EFHD1: variants seen among roughly 807,000 people sequenced by gnomAD.
EFHD1 encodes EF-hand domain family member D1, also known as EF-hand domain-containing protein D1.
A neutral mutation model predicts 17.2 loss-of-function variants in EFHD1; 10 were observed. The observed-to-expected ratio is 0.58, with a 90% CI of 0.36 to 0.99. The LOEUF (loss-of-function observed/expected upper bound fraction) is 0.99. EFHD1 is among the 50% of genes least tolerant of loss of function. The pLI is 0.01. For synonymous variants in EFHD1, 153 were observed against 142.0 expected (o/e 1.08, Z -0.55); for missense variants, 310 against 327.5 (o/e 0.95, Z 0.41).
chr2:232,660,208 T>TA (rs1559352058), intron 1 of EFHD1, among the ~76,000 whole-genome samples: 6 of 152,096 alleles, frequency 3.9e-5, no homozygotes, highest in South Asian at 4.1e-4. Context: ...ATTTATTTTT[T>TA]TTTTGAGGCG....
intron 1 of EFHD1, among the ~76,000 whole-genome samples, chr2:232,652,103 A>G (rs1694666261): frequency 6.6e-6 from 1 of 152,184 alleles, no homozygotes; most frequent in Admixed American, 6.5e-5. Context: ...GAAGGATTAC[A>G]TCAGATGACA....
In EFHD1 at chr2:232,669,664, G is replaced by A. The variant is rs1454632571; in HGVS notation, c.451-2645G>A. 6.1e-5 allele frequency among the ~76,000 whole-genome samples: 9 copies of A among 147,986 alleles called. No homozygotes were observed. In the South Asian group the frequency reaches 1.3e-3, roughly 21 times the overall value. On this transcript the variant is annotated intron_variant, in intron 2 of 3. Transcript: ENST00000264059. ...AGCCCAGGCTGGAGTGCAATGGTAC[G>A]ACCTCGGCTCACTGCAACCTCCACC...
rs184790002 is a variant in EFHD1 at position 232,614,837 on chromosome 2, A to T, written c.14+8664A>T. 2.4e-3 allele frequency among the ~76,000 whole-genome samples: 372 copies of T among 152,176 alleles called. 2 individuals carry two copies. The highest frequency in any genetic ancestry group is 8.1e-3 in the African/African-American group (337 of 41,522). ...CAAAAAATACAAAAATTAGCCAGGT[A>T]TGGTGGTGCACACCTGTAGTCCCAG... On this transcript the variant is annotated intron_variant, in intron 1 of 3. Coordinates refer to the EFHD1 transcript ENST00000409613.
chr2:232,662,535 T>C (rs1305984959), intron 1 of EFHD1, among the ~76,000 whole-genome samples: 4 of 152,098 alleles, frequency 2.6e-5, no homozygotes, highest in African/African-American at 9.7e-5. Context: ...AAACAAAGCA[T>C]GTTTCTCACC....
chr2:232,677,049 A>G (rs1001248011), intron 3 of EFHD1, among the ~76,000 whole-genome samples: 27 of 152,248 alleles, frequency 1.8e-4, no homozygotes, highest in Middle Eastern at 6.8e-3. Flanking sequence ...GAGAGTTTTT[A>G]GTCCCTGCCT....
At chr2:232,615,312 AGTGTGT>A (rs35239145) in intron 1 of EFHD1, among the ~76,000 whole-genome samples, 206 of 136,582 alleles carry the variant, frequency 1.5e-3, no homozygotes, top group African/African-American at 4.5e-3. Context: ...TGTCAACTAT[AGTGTGT>A]GTGTGTGTGT....
At chr2:232,625,239 C>G (rs1258281866) in intron 1 of EFHD1, among the ~76,000 whole-genome samples, 2 of 152,144 alleles carry the variant, frequency 1.3e-5, no homozygotes, top group Non-Finnish European at 2.9e-5. Context: ...AGCAATCCTC[C>G]CACCTCAGCC....
intron 3 of EFHD1, among the ~76,000 whole-genome samples, chr2:232,672,835 GAC>G (rs1226838665): frequency 2.6e-5 from 4 of 152,158 alleles, no homozygotes; most frequent in African/African-American, 9.7e-5. Flanking sequence ...CTTGCCCAGA[GAC>G]AGAGTGCCTT....
At chr2:232,622,324 C>T (rs1042026322) in intron 1 of EFHD1, among the ~76,000 whole-genome samples, 5 of 152,166 alleles carry the variant, frequency 3.3e-5, no homozygotes, top group Non-Finnish European at 7.3e-5. Flanking sequence ...AAAAAATTAG[C>T]CAGGCATGGT....
intron 1 of EFHD1, among the ~76,000 whole-genome samples, chr2:232,613,917 C>T (rs536773292): frequency 7.9e-5 from 12 of 151,618 alleles, no homozygotes; most frequent in Admixed American, 7.9e-4. Flanking sequence ...TATACACACA[C>T]AAATATATAC....
Position 232,627,056 on chromosome 2 carries a change from ATATATATATTT to A in EFHD1, c.14+20885_14+20895del, listed in dbSNP as rs1286435843. Among the ~76,000 whole-genome samples the A allele has an allele frequency of 3.4e-5, 4 of 119,330 alleles. No individual in the cohort carries two copies. In the East Asian group the frequency reaches 7.8e-4, roughly 23 times the overall value. The allele number at this position is 119,330 out of a possible 152,430, so 78.3% of individuals were successfully genotyped here. On this transcript the variant is annotated intron_variant, in intron 1 of 3. Coordinates refer to the EFHD1 transcript ENST00000409613. ...TCTCTCTATATATATATATATATATATATATATATTTTTTTTTTTTTTTAATTAGCCAGTTG... is the reference window on the plus strand; with the variant it reads ...TCTCTCTATATATATATATATATATATTTTTTTTTTTTAATTAGCCAGTTG...
At chr2:232,661,186 A>T (rs1694861855) in intron 1 of EFHD1, among the ~76,000 whole-genome samples, 1 of 152,044 alleles carries the variant, frequency 6.6e-6, no homozygotes, top group Admixed American at 6.6e-5. Flanking sequence ...ACCTCTGACC[A>T]CTTTAACCAA....
upstream of EFHD1, among the ~76,000 whole-genome samples, chr2:232,632,143 CCAG>C (rs1694214241): frequency 6.6e-6 from 1 of 152,120 alleles, no homozygotes; most frequent in South Asian, 2.1e-4. Flanking sequence ...GTCACCACCA[CCAG>C]GTCAGGAAGT....
chr2:232,658,408 G>A lies in EFHD1; in HGVS notation c.303-4394G>A, dbSNP rs542784240. Reference sequence around the variant, plus strand: ...CATAAGAGCCTGCCTGCTAGAGGGCGTTGCTCACCCTGAGTGGTAACATCA... The same window carrying A: ...CATAAGAGCCTGCCTGCTAGAGGGCATTGCTCACCCTGAGTGGTAACATCA... On this transcript the variant is annotated intron_variant, in intron 1 of 3. Coordinates refer to ENST00000264059, the MANE Select transcript of EFHD1 (RefSeq NM_025202.4). 1.1e-4 allele frequency among the ~76,000 whole-genome samples: 17 copies of A among 152,158 alleles called. No individual in the cohort carries two copies. In the South Asian group the frequency reaches 2.5e-3, roughly 22 times the overall value.
intron 1 of EFHD1, among the ~76,000 whole-genome samples, chr2:232,622,384 G>T (rs1381652327): frequency 6.6e-6 from 1 of 151,520 alleles, no homozygotes; most frequent in East Asian, 1.9e-4. Context: ...CAGGAGAATT[G>T]CTTGAACCTG....
intron 1 of EFHD1, among the ~76,000 whole-genome samples, chr2:232,654,768 A>G (rs1478093202): frequency 6.6e-6 from 1 of 151,872 alleles, no homozygotes; most frequent in African/African-American, 2.4e-5. Context: ...TGTTGGGGAG[A>G]GCCTCTTGTC....
rs181631925 is a variant in EFHD1, at chr2:232,609,879, G to A, written c.14+3706G>A. Among the ~76,000 whole-genome samples the A allele has an allele frequency of 1.1e-3, 160 of 152,334 alleles. 3 individuals carry two copies. The highest frequency in any genetic ancestry group is 3.7e-3 in the African/African-American group (153 of 41,576). ...GGGGAGTGGTGGCTGAAGCTCCTCCGGGTCTCCTTTCTCAGAGGAGAGAGT... is the reference window on the plus strand; with the variant it reads ...GGGGAGTGGTGGCTGAAGCTCCTCCAGGTCTCCTTTCTCAGAGGAGAGAGT... On this transcript the variant is annotated intron_variant, in intron 1 of 3. Transcript: ENST00000409613.
chr2:232,607,035 C>T (rs1361216034), intron 1 of EFHD1, among the ~76,000 whole-genome samples: 5 of 151,148 alleles, frequency 3.3e-5, no homozygotes, highest in Admixed American at 6.6e-5. Flanking sequence ...CTGGCTCTGT[C>T]GCCCAGGCTG....
At chr2:232,627,056 ATATATATATT>A (rs1447739145) in intron 1 of EFHD1, among the ~76,000 whole-genome samples, 21 of 119,326 alleles carry the variant, frequency 1.8e-4, no homozygotes, top group African/African-American at 5.5e-4. Flanking sequence ...ATATATATAT[ATATATATATT>A]TTTTTTTTTT....
Sources: gnomAD v4.1 joint callset for allele counts (sites outside exome capture counted in the v4.1 genomes callset) on GRCh38, gnomAD v4.1.1 for gene constraint, MANE v1.5 for transcripts, NCBI Gene and HGNC (gene_info 2026-07-23, HGNC 2026-07-21) for gene names.